The following IL10RA variants were observed in gnomAD, a reference collection of about 807,000 sequenced individuals.
IL10RA encodes interleukin-10 receptor subunit alpha.
A neutral mutation model predicts 29.6 loss-of-function variants in IL10RA; 18 were observed. The ratio of observed to expected loss-of-function variants is 0.61; its 90% CI spans 0.42 to 0.90. IL10RA has a LOEUF of 0.90. Ranked by LOEUF, IL10RA falls within the 40% of genes least tolerant of loss-of-function variation. The pLI is 0.00. For missense variants in IL10RA, 634 were observed against 716.6 expected (o/e 0.88, Z 1.32); for synonymous variants, 292 against 294.1 (o/e 0.99, Z 0.07).
intron 2 of IL10RA, 87 bp downstream of exon 2, chr11:117,988,589 G>A: frequency 1.3e-6 from 2 of 1,504,004 alleles, no homozygotes; most frequent in South Asian, 2.3e-5. Flanking sequence ...TACCTGCCTT[G>A]TTAATGAAGT....
intron 1 of IL10RA, 109 bp downstream of exon 1, chr11:117,986,643 G>T: frequency 1.3e-6 from 2 of 1,539,170 alleles, no homozygotes; most frequent in Non-Finnish European, 1.7e-6. Context: ...TGGCAGAGCG[G>T]TGCCCGGGTG....
downstream of IL10RA, chr11:118,002,687 G>C (rs557787267): frequency 6.6e-6 from 1 of 152,272 alleles, no homozygotes; most frequent in Non-Finnish European, 1.5e-5. Context: ...TGCCTGCTCC[G>C]TTTCTGTGGA....
chr11:117,992,088 A>G lies in IL10RA; in HGVS notation c.368-1153A>G, dbSNP rs554167715. Reference sequence around the variant, plus strand: ...GGATTCTGTTGTATATACATACCACATTTAAAAAACCCATTCATCCATTGG... The same window carrying G: ...GGATTCTGTTGTATATACATACCACGTTTAAAAAACCCATTCATCCATTGG... On this transcript the variant is annotated intron_variant, in intron 3 of 6. Transcript: ENST00000227752. Among the ~76,000 whole-genome samples the G allele has an allele frequency of 1.5e-4, 23 of 152,332 alleles. No individual in the cohort carries two copies. In the Middle Eastern group the frequency reaches 0.01, roughly 68 times the overall value.
chr11:117,988,100 C>T (rs1470193456), intron 1 of IL10RA: 3 of 488,022 alleles, frequency 6.1e-6, no homozygotes, highest in Admixed American at 3.3e-5. Flanking sequence ...GCTTAGCCCT[C>T]GGCCCCTGCC....
chr11:118,001,100 C>G lies in IL10RA; in HGVS notation c.*1459C>G, dbSNP rs1433621736. The G allele has an allele frequency of 2.2e-6, 1 of 454,270 alleles. No individual in the cohort carries two copies. Among genetic ancestry groups the G allele is most frequent in the Admixed American group, 2.3e-5 (1 of 42,568 alleles). 28.1% of individuals were successfully genotyped at this position (454,270 alleles called of 1,614,324 possible). On this transcript the variant is annotated 3_prime_UTR_variant, in exon 7 of 7. Transcript: ENST00000227752. ...ACCCCCACCCCTCTGCCAAAGTACTCTTAGGTGCCAGTCTGGTAACTGAAC... is the reference window on the plus strand; with the variant it reads ...ACCCCCACCCCTCTGCCAAAGTACTGTTAGGTGCCAGTCTGGTAACTGAAC...
At chr11:117,986,624 C>G in intron 1 of IL10RA, 90 bp downstream of exon 1, 1 of 1,541,776 alleles carries the variant, frequency 6.5e-7, no homozygotes, top group Non-Finnish European at 8.7e-7. Flanking sequence ...CCCTGGCTGG[C>G]TGGCCCTCTG....
At chr11:118,001,555 G>A, downstream of IL10RA, 1 of 368,780 alleles carries the variant, frequency 2.7e-6, no homozygotes, top group South Asian at 2.1e-5. Flanking sequence ...AATGAGGAGG[G>A]TAATAATGTG....
At chr11:117,997,662 C>T (rs1218714797) in intron 6 of IL10RA, among the ~76,000 whole-genome samples, 1 of 152,186 alleles carries the variant, frequency 6.6e-6, no homozygotes, top group African/African-American at 2.4e-5. Context: ...GGGTAGTAAA[C>T]AACACTAGAC....
intron 3 of IL10RA, among the ~76,000 whole-genome samples, chr11:117,991,794 T>A (rs2058023802): frequency 6.6e-6 from 1 of 152,140 alleles, no homozygotes; most frequent in African/African-American, 2.4e-5. Context: ...CAGTGCAATG[T>A]CTTGATCTCA....
At position 118,000,271 on chromosome 11, in the gene IL10RA, A is replaced by C; in HGVS notation, c.*630A>C. ...CATAATGGATTCACTGAGGGGAGACAAAGGGAGCCGAGACCCTGGATGGGG... is the reference window on the plus strand; with the variant it reads ...CATAATGGATTCACTGAGGGGAGACCAAGGGAGCCGAGACCCTGGATGGGG... On this transcript the variant is annotated 3_prime_UTR_variant, in exon 7 of 7. Transcript: ENST00000227752. 2.2e-6 allele frequency: 1 copy of C among 454,222 alleles called. No homozygotes were observed. Among genetic ancestry groups the C allele is most frequent in the Non-Finnish European group, 4.4e-6 (1 of 226,780 alleles). 28.1% of individuals were successfully genotyped at this position (454,222 alleles called of 1,614,324 possible).
chr11:117,993,473 A>T, intron 4 of IL10RA, 63 bp downstream of exon 4: 1 of 1,448,000 alleles, frequency 6.9e-7, no homozygotes, highest in Non-Finnish European at 9.7e-7. Context: ...CCTGGGCTGG[A>T]AGCACCCTTG....
chr11:117,987,018 A>G (rs1275400888), intron 1 of IL10RA: 8 of 399,454 alleles, frequency 2.0e-5, no homozygotes, highest in Non-Finnish European at 3.9e-5. Flanking sequence ...CCCCCAACTC[A>G]CTCCCACTGC....
rs1475054031 is a variant in IL10RA, at chr11:117,996,177, G to A, written c.810+467G>A. 5.3e-5 allele frequency among the ~76,000 whole-genome samples: 8 copies of A among 152,184 alleles called. No homozygotes were observed. In the East Asian group the frequency reaches 1.5e-3, roughly 29 times the overall value. On this transcript the variant is annotated intron_variant, in intron 6 of 6. Transcript: ENST00000227752. ...TATTAGCCATGGGTGTTCCACAAGA[G>A]AGAAAGAAGGAAAGGCCAGAAGTGC...
intron 5 of IL10RA, among the ~76,000 whole-genome samples, chr11:117,994,456 C>G (rs1474573978): frequency 6.6e-6 from 1 of 152,204 alleles, no homozygotes; most frequent in Non-Finnish European, 1.5e-5. Flanking sequence ...TCCCCCGGGG[C>G]CATCTTCAGT....
chr11:117,996,636 G>A (rs774051990), intron 6 of IL10RA, among the ~76,000 whole-genome samples: 78 of 152,216 alleles, frequency 5.1e-4, no homozygotes, highest in Admixed American at 1.0e-3. Context: ...CAAGACGAGA[G>A]ACAAGTGCAG....
Position 117,995,594 on chromosome 11 carries a change from A to T in IL10RA, c.694A>T (p.Thr232Ser). ...ECISLTRQYF[T>S]VTNVIIFFAF... Reference sequence around the variant, plus strand: ...ACATCTCTCTGGGCCTGCAGATTTCACCGTGACCAACGTCATCATCTTCTT... The same window carrying T: ...ACATCTCTCTGGGCCTGCAGATTTCTCCGTGACCAACGTCATCATCTTCTT... The change falls in exon 6 of 7, where the codon ACC becomes TCC. Residue 232 changes from threonine to serine, a missense_variant. Coordinates refer to ENST00000227752, the MANE Select transcript of IL10RA (RefSeq NM_001558.4). 1.2e-6 allele frequency: 2 copies of T among 1,614,104 alleles called. No homozygotes were observed. Among genetic ancestry groups the T allele is most frequent in the Non-Finnish European group, 1.7e-6 (2 of 1,180,008 alleles).
At chr11:117,987,669 G>C (rs755154463) in intron 1 of IL10RA, 4 of 157,548 alleles carry the variant, frequency 2.5e-5, no homozygotes, top group African/African-American at 9.6e-5. Context: ...TGAATGGTGT[G>C]TACTGGGGGT....
chr11:117,988,253 C>A, intron 1 of IL10RA, 129 bp from the exon 2 acceptor site: 1 of 1,123,712 alleles, frequency 8.9e-7, no homozygotes, highest in Non-Finnish European at 1.3e-6. Context: ...GCCCACTCTG[C>A]CCCTTACGGG....
At chr11:117,993,972 T>A in intron 4 of IL10RA, 27 bp from the exon 5 acceptor site, 1 of 1,608,180 alleles carries the variant, frequency 6.2e-7, no homozygotes, top group South Asian at 1.1e-5. Context: ...AAAAGGATTT[T>A]GTTAATTGCT....
Sources: allele counts gnomAD v4.1 joint callset (sites outside exome capture counted in the v4.1 genomes callset), GRCh38; gene constraint gnomAD v4.1.1; transcripts MANE v1.5; gene names NCBI Gene and HGNC (gene_info 2026-07-23, HGNC 2026-07-21).